Variants in CFAP74 observed in about 807,000 individuals in gnomAD.
The protein encoded by CFAP74 is cilia- and flagella-associated protein 74.
Under a neutral mutation model 188.9 loss-of-function variants are expected in CFAP74, and 124 were observed. The ratio of observed to expected loss-of-function variants is 0.66; its 90% CI spans 0.57 to 0.76. CFAP74 has a LOEUF of 0.76. CFAP74 is among the 30% of genes least tolerant of loss of function. The pLI is 0.00. For missense variants in CFAP74, 2,198 were observed against 2,165.2 expected, an observed-to-expected ratio of 1.02 and a Z score of -0.30; for synonymous variants, 956 against 916.7, an observed-to-expected ratio of 1.04 and a Z score of -0.77.
chr1:1,953,978 T>C (rs1654363537), intron 18 of CFAP74: 1 of 152,114 alleles, frequency 6.6e-6, no homozygotes, highest in Non-Finnish European at 1.5e-5. Context: ...TCTGGGTGCA[T>C]GAAGAGCTCC....
Position 1,926,744 on chromosome 1 carries a change from T to A in CFAP74, c.3680A>T (p.Tyr1227Phe), listed in dbSNP as rs1307081005. 1.3e-6 allele frequency: 2 copies of A among 1,549,890 alleles called. No individual in the cohort carries two copies. Among genetic ancestry groups the A allele is most frequent in the African/African-American group, 2.7e-5 (2 of 73,054 alleles). Residue 1227 changes from tyrosine (Y) to phenylalanine (F), a missense_variant, in exon 30 of 39, where the codon TAC becomes TTC. By Grantham distance (22) the Tyr-to-Phe change is conservative. Coordinates refer to ENST00000682832, the MANE Select transcript of CFAP74 (RefSeq NM_001304360.2). ...CACCGTCGGGCACCACAGCTCCAGG[T>A]ACAGGGTGTTGTGGGGGCTGGGATA... Reference protein sequence around the residue: ...PLSFSPHNTLYLELWCPTVAP... With the variant: ...PLSFSPHNTLFLELWCPTVAP...
chr1:1,926,292 C>A lies in CFAP74; in HGVS notation c.3884G>T (p.Ser1295Ile), dbSNP rs1164187676. 2.6e-6 allele frequency: 4 copies of A among 1,546,226 alleles called. No individual in the cohort carries two copies. The Middle Eastern group carries it at 5.0e-4, about 194-fold the overall frequency. The change falls in exon 32 of 39, where the codon AGC (serine) becomes ATC (isoleucine). Residue 1295 changes from serine (S) to isoleucine (I), a missense_variant. Coordinates refer to ENST00000682832, the MANE Select transcript of CFAP74 (RefSeq NM_001304360.2). ...CTGGGTCCCACCTGCACGCAGCAGG[C>A]TGGAGTGGTTCAGCAGGACAAAGGG... ...NGPFVLLNHS[S>I]LLRAGGTQVL... is the part of the protein sequence containing the mutation.
chr1:1,968,602 C>T lies in CFAP74; in HGVS notation c.1245+33G>A, dbSNP rs567145797. On this transcript the variant is annotated intron_variant, in intron 11 of 38. Transcript: ENST00000682832. The surrounding 1 kb of genome is among the most constrained non-coding windows in gnomAD (Gnocchi z 4.3). Reference sequence around the variant, plus strand: ...GCCCCACCTGCCCTCCACAGGTGTGCGGCTTCTGTCTACAGGAAGGCGTTT... The same window carrying T: ...GCCCCACCTGCCCTCCACAGGTGTGTGGCTTCTGTCTACAGGAAGGCGTTT... The T allele has an allele frequency of 1.5e-4, 242 of 1,586,078 alleles. No individual in the cohort carries two copies. The highest frequency in any genetic ancestry group is 2.1e-4 in the Middle Eastern group (1 of 4,788).
chr1:1,950,603 G>T (rs531167484), intron 18 of CFAP74, among the ~76,000 whole-genome samples: 1 of 152,122 alleles, frequency 6.6e-6, no homozygotes, highest in African/African-American at 2.4e-5. Flanking sequence ...GCCGCCCAAA[G>T]TGCTGGGATT....
Position 1,975,667 on chromosome 1 carries a change from C to G in CFAP74, c.501-1469G>C, listed in dbSNP as rs1656389834. Among the ~76,000 whole-genome samples, 1 of 152,222 alleles carries G rather than the reference C, an allele frequency of 6.6e-6. No individual in the cohort carries two copies. Among genetic ancestry groups the G allele is most frequent in the Non-Finnish European group, 1.5e-5 (1 of 68,032 alleles). On this transcript the variant is annotated intron_variant, in intron 6 of 38. Transcript: ENST00000682832. This position sits in a 1 kb window ranked among gnomAD's most constrained non-coding sequence, Gnocchi z 4.5. ...GTCCTGTCATGCAGCACGTTCATTG[C>G]TCCCCAAGTCTGGGGGACTCCGCGG...
chr1:1,952,022 GC>G (rs1429755791), intron 18 of CFAP74, among the ~76,000 whole-genome samples: 1 of 152,236 alleles, frequency 6.6e-6, no homozygotes, highest in Non-Finnish European at 1.5e-5. Context: ...GAGAAGCATA[GC>G]TCACTGCAAC....
intron 18 of CFAP74, among the ~76,000 whole-genome samples, chr1:1,953,141 A>G (rs1032853515): frequency 6.6e-6 from 1 of 152,212 alleles, no homozygotes; most frequent in African/African-American, 2.4e-5. Context: ...AAAAGAACAA[A>G]GTTGGGTGAC....
chr1:1,955,323 G>A (rs944612845), intron 18 of CFAP74: 2 of 1,309,846 alleles, frequency 1.5e-6, no homozygotes, highest in East Asian at 5.2e-5. Context: ...CCCCGCTGGT[G>A]CGCGTCTAAC....
rs369493804 is a variant in CFAP74, at chr1:1,979,341, A to G, written c.501-5143T>C. 7.5e-3 allele frequency among the ~76,000 whole-genome samples: 261 copies of G among 35,010 alleles called. 6 individuals are homozygous for G. The highest frequency in any genetic ancestry group is 0.038 in the Middle Eastern group (1 of 26). 23.0% of individuals were successfully genotyped at this position (35,010 alleles called of 152,430 possible). On this transcript the variant is annotated intron_variant, in intron 6 of 38. Coordinates refer to ENST00000682832, the MANE Select transcript of CFAP74 (RefSeq NM_001304360.2). ...TGGGCGTGGGAAGGCATCATGTGAC[A>G]AGGCTGCACAGAACATGCGTGTGGT...
chr1:1,988,401 C>T, intron 4 of CFAP74, 111 bp downstream of exon 4: 3 of 1,365,846 alleles, frequency 2.2e-6, no homozygotes, highest in Non-Finnish European at 2.0e-6. Flanking sequence ...TGCGACCCTC[C>T]CTTGCAGGCC....
At chr1:1,946,021 C>A (rs542547297) in intron 20 of CFAP74, among the ~76,000 whole-genome samples, 5 of 135,352 alleles carry the variant, frequency 3.7e-5, no homozygotes, top group Admixed American at 3.6e-4. Flanking sequence ...TGCGTGTGTG[C>A]GTGTGTACGT....
Position 1,925,854 on chromosome 1 carries a change from A to G in CFAP74, c.4033T>C (p.Cys1345Arg). The change falls in exon 33 of 39, where the codon TGC becomes CGC. Residue 1345 changes from cysteine to arginine, a missense_variant. Transcript: ENST00000682832. ...MGTGVASMIT[C>R]SIEGSVLNMG... The stretch of plus-strand genomic sequence containing the variant: ...TTGAGGACGCTGCCTTCAATGGAGC[A>G]CGTGATCATGGACGCCACGCCAGTG... 2 of 1,612,710 alleles carry G rather than the reference A, an allele frequency of 1.2e-6. No homozygotes were observed. The highest frequency in any genetic ancestry group is 2.2e-5 in the South Asian group (2 of 91,078).
chr1:1,962,793 G>A (rs1408143679), intron 14 of CFAP74, among the ~76,000 whole-genome samples: 1 of 152,208 alleles, frequency 6.6e-6, no homozygotes, highest in Non-Finnish European at 1.5e-5. Context: ...GCTGATTGAG[G>A]CAGGAGGATT....
rs567579949 is a variant in CFAP74 at position 1,955,293 on chromosome 1, G to A, written c.2176+398C>T. ...AGGAGGCATGGGGAGGGCAGGGCCC[G>A]CCCGTTTCTCGGCACCTCTCCCCGC... On this transcript the variant is annotated intron_variant, in intron 18 of 38. Transcript: ENST00000682832. 23 of 1,296,720 alleles carry A rather than the reference G, an allele frequency of 1.8e-5. No individual in the cohort carries two copies. In the East Asian group the frequency reaches 2.2e-4, roughly 12 times the overall value. 80.3% of individuals were successfully genotyped at this position (1,296,720 alleles called of 1,614,324 possible).
chr1:1,946,502 C>A, intron 19 of CFAP74, 63 bp from the exon 20 acceptor site: 1 of 1,466,472 alleles, frequency 6.8e-7, no homozygotes, highest in Non-Finnish European at 9.0e-7. Context: ...CCCTTCCCAA[C>A]CCTCACAATG....
chr1:1,939,068 A>T, intron 24 of CFAP74, 80 bp from the exon 25 acceptor site: 1 of 1,396,280 alleles, frequency 7.2e-7, no homozygotes, highest in Non-Finnish European at 9.7e-7. Flanking sequence ...TGAGTGTGAG[A>T]GTAAGAGATG....
rs772032402 is a variant in CFAP74, at chr1:1,975,231, G to A, written c.501-1033C>T. Among the ~76,000 whole-genome samples, 7 of 152,308 alleles carry A rather than the reference G, an allele frequency of 4.6e-5. No homozygotes were observed. The highest frequency in any genetic ancestry group is 2.6e-4 in the Admixed American group (4 of 15,294). On this transcript the variant is annotated intron_variant, in intron 6 of 38. Transcript: ENST00000682832. This position sits in a 1 kb window ranked among gnomAD's most constrained non-coding sequence, Gnocchi z 4.5. ...CAACACCCGGGGCAGGGGTCCCACC[G>A]CCTTGGCCCTCCGTGAATAAAGTCT...
At chr1:1,930,367 C>T (rs754432235) in intron 25 of CFAP74, 31 bp from the exon 26 acceptor site, 99 of 1,490,490 alleles carry the variant, frequency 6.6e-5, no homozygotes, top group Middle Eastern at 1.7e-4. Context: ...GGCCCTCAGC[C>T]GTGCAGGGCG....
chr1:1,928,945 C>G, intron 26 of CFAP74, 63 bp from the exon 27 acceptor site: 1 of 1,172,462 alleles, frequency 8.5e-7, no homozygotes, highest in South Asian at 1.3e-5. Context: ...GGAGCCCCTG[C>G]GGGCACTCTA....
Sources: gnomAD v4.1 joint callset for allele counts (sites outside exome capture counted in the v4.1 genomes callset) on GRCh38, gnomAD v4.1.1 for gene constraint, Gnocchi (gnomAD v3.1) non-coding constraint, MANE v1.5 for transcripts, NCBI Gene and HGNC (gene_info 2026-07-23, HGNC 2026-07-21) for gene names.